Variants in PTPN2 observed in about 807,000 individuals in gnomAD.
The protein encoded by PTPN2 is tyrosine-protein phosphatase non-receptor type 2.
In PTPN2, 19 loss-of-function variants were observed where a neutral mutation model predicts 57.3. That is an observed-to-expected ratio of 0.33 (90% CI 0.23 to 0.49). PTPN2 has a LOEUF of 0.49. Ranked by LOEUF, PTPN2 falls within the 20% of genes least tolerant of loss-of-function variation. The pLI is 0.99. For missense variants in PTPN2, 358 were observed against 501.1 expected (o/e 0.71, Z 2.73); for synonymous variants, 153 against 164.9 (o/e 0.93, Z 0.55).
At chr18:12,822,277 G>C (rs2042296608) in intron 5 of PTPN2, among the ~76,000 whole-genome samples, 1 of 152,138 alleles carries the variant, frequency 6.6e-6, no homozygotes, top group Non-Finnish European at 1.5e-5. Context: ...AATCTTTAGG[G>C]ACAGGGAAAT....
intron 8 of PTPN2, among the ~76,000 whole-genome samples, chr18:12,797,972 C>T (rs1324976168): frequency 1.3e-5 from 2 of 152,138 alleles, no homozygotes; most frequent in Non-Finnish European, 2.9e-5. Context: ...GTGATCCACC[C>T]GCCTCAGCCT....
intron 2 of PTPN2, among the ~76,000 whole-genome samples, chr18:12,837,855 G>A (rs2145402575): frequency 6.6e-6 from 1 of 152,264 alleles, no homozygotes; most frequent in Admixed American, 6.5e-5. Flanking sequence ...CAATTTATCT[G>A]AGATGTTTCT....
intron 7 of PTPN2, among the ~76,000 whole-genome samples, chr18:12,804,289 C>CAAAAAAAAAAAAAAA (rs59927276): frequency 5.9e-5 from 4 of 67,850 alleles, no homozygotes; most frequent in Non-Finnish European, 1.0e-4. Flanking sequence ...GAAACTGTCT[C>CAAAAAAAAAAAAAAA]AAAAAAAAAA....
At position 12,846,931 on chromosome 18, in the gene PTPN2, A is replaced by G. The variant is rs964292437; in HGVS notation, c.161-10040T>C. On this transcript the variant is annotated intron_variant, in intron 2 of 8. Coordinates refer to ENST00000309660, the MANE Select transcript of PTPN2 (RefSeq NM_002828.4). ...CACATGCCTTCCACATGTGGGCCCAACCCCAAGTGCTTTATAGATTTAATT... is the reference window on the plus strand; with the variant it reads ...CACATGCCTTCCACATGTGGGCCCAGCCCCAAGTGCTTTATAGATTTAATT... Among the ~76,000 whole-genome samples the G allele has an allele frequency of 2.0e-4, 31 of 152,086 alleles. 1 individual carries two copies. The highest frequency in any genetic ancestry group is 7.0e-4 in the African/African-American group (29 of 41,396).
At position 12,814,362 on chromosome 18, in the gene PTPN2, G is replaced by A. The variant is rs1451648439; in HGVS notation, c.706-7C>T. 21 of 1,569,990 alleles carry A rather than the reference G, an allele frequency of 1.3e-5. No individual in the cohort carries two copies. Among genetic ancestry groups the A allele is most frequent in the Middle Eastern group, 1.7e-4 (1 of 5,872 alleles). On this transcript the variant is annotated splice_region_variant and splice_polypyrimidine_tract_variant and intron_variant, in intron 6 of 8. Transcript: ENST00000309660. ...TATCATCTCCTTTTTCCATCTGCAA[G>A]AAAGGCAAAAAATGAGACAAGTCTT...
At chr18:12,791,308 A>C (rs2145207583), downstream of PTPN2, among the ~76,000 whole-genome samples, 1 of 152,344 alleles carries the variant, frequency 6.6e-6, no homozygotes, top group South Asian at 2.1e-4. Flanking sequence ...CTGAAAATAA[A>C]AGAAACATTT....
rs949206854 is a variant in PTPN2, at chr18:12,846,628, G to A, written c.161-9737C>T. On this transcript the variant is annotated intron_variant, in intron 2 of 8. Coordinates refer to ENST00000309660, the MANE Select transcript of PTPN2 (RefSeq NM_002828.4). ...AGGCTATTCTTACACTTTCCCTGTCGCAGACGTGGAACCAGCCATTTCTCC... is the reference window on the plus strand; with the variant it reads ...AGGCTATTCTTACACTTTCCCTGTCACAGACGTGGAACCAGCCATTTCTCC... 3.9e-5 allele frequency among the ~76,000 whole-genome samples: 6 copies of A among 152,052 alleles called. No homozygotes were observed. In the South Asian group the frequency reaches 6.2e-4, roughly 16 times the overall value.
intron 9 of PTPN2, chr18:12,786,057 C>T (rs1308860920): frequency 5.8e-5 from 32 of 549,108 alleles, no homozygotes; most frequent in Middle Eastern, 5.8e-4. Context: ...GGTGGTGTGA[C>T]GCGGCCTCAT....
exon 10 of PTPN2, chr18:12,785,660 T>G: frequency 1.5e-6 from 1 of 680,340 alleles, no homozygotes; most frequent in Non-Finnish European, 2.6e-6. Flanking sequence ...TGGTGGGTGC[T>G]CTTCATCCCC....
At chr18:12,841,972 T>A (rs1305740824) in intron 2 of PTPN2, among the ~76,000 whole-genome samples, 1 of 151,748 alleles carries the variant, frequency 6.6e-6, no homozygotes, top group Non-Finnish European at 1.5e-5. Context: ...AATGGTGCGA[T>A]CTCAGTTCAC....
At chr18:12,788,432 CTT>C (rs71174142), downstream of PTPN2, among the ~76,000 whole-genome samples, 5 of 90,102 alleles carry the variant, frequency 5.5e-5, no homozygotes, top group East Asian at 1.6e-3. Context: ...GGGATCAGGG[CTT>C]TTTTTTTTTT....
chr18:12,815,898 T>C (rs532580409), intron 6 of PTPN2, among the ~76,000 whole-genome samples: 1 of 152,328 alleles, frequency 6.6e-6, no homozygotes, highest in East Asian at 1.9e-4. Context: ...TACTTTGTGC[T>C]GGCAGTCATG....
At chr18:12,820,861 A>G (rs2042248716) in intron 5 of PTPN2, among the ~76,000 whole-genome samples, 1 of 152,228 alleles carries the variant, frequency 6.6e-6, no homozygotes, top group Admixed American at 6.5e-5. Flanking sequence ...TCCCATTTAC[A>G]TTTTTAAAAG....
chr18:12,857,299 G>A (rs2043626180), intron 2 of PTPN2, among the ~76,000 whole-genome samples: 1 of 151,910 alleles, frequency 6.6e-6, no homozygotes, highest in Non-Finnish European at 1.5e-5. Flanking sequence ...GGTGATTCCA[G>A]GAATCTACAC....
intron 5 of PTPN2, chr18:12,819,208 A>T: frequency 7.4e-7 from 1 of 1,359,178 alleles, no homozygotes; most frequent in East Asian, 2.6e-5. Flanking sequence ...TCTAAAAAGT[A>T]CATACTTTTA....
chr18:12,843,574 T>C (rs2043117665), intron 2 of PTPN2, among the ~76,000 whole-genome samples: 1 of 152,102 alleles, frequency 6.6e-6, no homozygotes, highest in African/African-American at 2.4e-5. Context: ...GTGCTGTGGC[T>C]TTTAAGAGGG....
chr18:12,831,024 T>G lies in PTPN2; in HGVS notation c.279A>C (p.Thr93=), dbSNP rs111484967. Residue 93 remains threonine, a synonymous_variant, in exon 4 of 9, where the codon ACA becomes ACC. Coordinates refer to ENST00000309660, the MANE Select transcript of PTPN2 (RefSeq NM_002828.4). ...YILTQGPLPN[T]CCHFWLMVWQ... ...AAACCATAAGCCAGAAATGGCAGCA[T>G]GTGTTAGGAAGTGGACCCTGTGAAG... 4 of 1,607,694 alleles carry G rather than the reference T, an allele frequency of 2.5e-6. No homozygotes were observed. Among genetic ancestry groups the G allele is most frequent in the South Asian group, 2.2e-5 (2 of 90,892 alleles).
chr18:12,863,381 C>T (rs982717724), intron 1 of PTPN2: 1 of 151,964 alleles, frequency 6.6e-6, no homozygotes, highest in Non-Finnish European at 1.5e-5. Flanking sequence ...ATTGCTTGAA[C>T]TCAGGAGTTC....
chr18:12,880,481 T>C (rs1451717787), intron 1 of PTPN2: 1 of 152,256 alleles, frequency 6.6e-6, no homozygotes, highest in Non-Finnish European at 1.5e-5. Context: ...CTTGGTAGTT[T>C]GCATTTCCTC....
Sources: gnomAD v4.1 joint callset for allele counts (sites outside exome capture counted in the v4.1 genomes callset) on GRCh38, gnomAD v4.1.1 for gene constraint, MANE v1.5 for transcripts, NCBI Gene and HGNC (gene_info 2026-07-23, HGNC 2026-07-21) for gene names.